The following RFX4 variants were observed in gnomAD, a reference collection of about 807,000 sequenced individuals.
RFX4 encodes the protein transcription factor RFX4.
RFX4 carries 10 observed loss-of-function variants against 95.0 expected under a neutral mutation model. That is an observed-to-expected ratio of 0.11 (90% confidence interval 0.06 to 0.18). RFX4 has a LOEUF of 0.18. RFX4 is among the 10% of genes least tolerant of loss of function. The pLI is 1.00. For synonymous variants in RFX4, 321 were observed against 340.7 expected, an observed-to-expected ratio of 0.94 and a Z score of 0.64; for missense variants, 640 against 922.0, an observed-to-expected ratio of 0.69 and a Z score of 3.96.
intron 4 of RFX4, among the ~76,000 whole-genome samples, chr12:106,676,912 C>T (rs921934038): frequency 2.6e-5 from 4 of 152,124 alleles, no homozygotes; most frequent in Admixed American, 6.5e-5. Flanking sequence ...CATTCTCATT[C>T]GTCTAGAAGC....
At chr12:106,698,203 A>T (rs1289185683) in intron 8 of RFX4, among the ~76,000 whole-genome samples, 2 of 151,952 alleles carry the variant, frequency 1.3e-5, no homozygotes, top group Non-Finnish European at 2.9e-5. Context: ...TGAACTCCTG[A>T]CCTCAGGCGA....
intron 17 of RFX4, among the ~76,000 whole-genome samples, chr12:106,755,242 A>G (rs773676647): frequency 4.9e-4 from 74 of 152,240 alleles, no homozygotes; most frequent in Non-Finnish European, 1.0e-3. Context: ...GACTATAGGC[A>G]CATGCCACCA....
rs532501631 is a variant in RFX4 at position 106,720,379 on chromosome 12, TG to T, written c.1233+326del. ...ACCATAAGCCTTCCTGTCATTTTTC[TG>T]TATTTATTTATTTATTTTTGAGACA... On this transcript the variant is annotated intron_variant, in intron 12 of 17. Coordinates refer to ENST00000392842, the MANE Select transcript of RFX4 (RefSeq NM_213594.3). This position sits in a 1 kb window ranked among gnomAD's most constrained non-coding sequence, Gnocchi z 4.2. Among the ~76,000 whole-genome samples, 210 of 152,344 alleles carry T rather than the reference TG, an allele frequency of 1.4e-3. No homozygotes were observed. The highest frequency in any genetic ancestry group is 4.9e-3 in the Admixed American group (75 of 15,306).
intron 7 of RFX4, among the ~76,000 whole-genome samples, chr12:106,692,028 G>A (rs189717364): frequency 3.3e-5 from 5 of 152,052 alleles, no homozygotes; most frequent in Non-Finnish European, 7.4e-5. Context: ...GTGGTGGCGC[G>A]TGCCTGTAGT....
chr12:106,603,192 C>T (rs1452122150), intron 1 of RFX4, among the ~76,000 whole-genome samples: 1 of 152,146 alleles, frequency 6.6e-6, no homozygotes, highest in African/African-American at 2.4e-5. Context: ...TCTTAATAGG[C>T]CCTCCCTGCC....
At chr12:106,722,076 G>A (rs184024069) in intron 13 of RFX4, among the ~76,000 whole-genome samples, 2 of 152,348 alleles carry the variant, frequency 1.3e-5, no homozygotes, top group Admixed American at 6.5e-5. Flanking sequence ...ATATGGAAAT[G>A]CTCTGCTGAC....
chr12:106,587,921 G>T (rs1440853526), intron 1 of RFX4, among the ~76,000 whole-genome samples: 2 of 152,182 alleles, frequency 1.3e-5, no homozygotes, highest in African/African-American at 4.8e-5. Context: ...TGAGAAAGGC[G>T]CTGAGTCGTG....
chr12:106,695,423 C>G (rs1862245830), intron 7 of RFX4, among the ~76,000 whole-genome samples: 1 of 152,208 alleles, frequency 6.6e-6, no homozygotes, highest in Non-Finnish European at 1.5e-5. Context: ...CTATTCTACT[C>G]AACTTCTAAT....
chr12:106,651,480 C>G (rs1050349432), intron 3 of RFX4, among the ~76,000 whole-genome samples: 3 of 152,200 alleles, frequency 2.0e-5, no homozygotes, highest in Non-Finnish European at 4.4e-5. Context: ...CTAAACCCAA[C>G]TCTTCTATGA....
chr12:106,589,688 T>C (rs2039510912), intron 1 of RFX4, among the ~76,000 whole-genome samples: 1 of 152,168 alleles, frequency 6.6e-6, no homozygotes, highest in African/African-American at 2.4e-5. Context: ...CAGGGTTTAG[T>C]TATGACACTG....
chr12:106,664,147 T>C (rs2041129201), intron 4 of RFX4, among the ~76,000 whole-genome samples: 1 of 151,942 alleles, frequency 6.6e-6, no homozygotes, highest in South Asian at 2.1e-4. Flanking sequence ...ATTTCTTCTA[T>C]AAATGTTTGG....
intron 1 of RFX4, among the ~76,000 whole-genome samples, chr12:106,584,332 C>T (rs2039420596): frequency 6.6e-6 from 1 of 152,144 alleles, no homozygotes; most frequent in Non-Finnish European, 1.5e-5. Flanking sequence ...CTCCCCTAGG[C>T]TCATTCTTGC....
chr12:106,684,545 T>A lies in RFX4; in HGVS notation c.378-2339T>A, dbSNP rs937252701. 1.3e-5 allele frequency: 5 copies of A among 387,528 alleles called. No individual in the cohort carries two copies. The East Asian group carries it at 2.0e-4, about 16-fold the overall frequency. The allele number at this position is 387,528 out of a possible 1,614,324, so 24.0% of individuals were successfully genotyped here. ...GTGGTTGTTGATTTTAGCTACGTGA[T>A]CTCTGAATAGTCAAGAAGTGGTCTG... On this transcript the variant is annotated intron_variant, in intron 5 of 17. Coordinates refer to ENST00000392842, the MANE Select transcript of RFX4 (RefSeq NM_213594.3).
At chr12:106,731,671 T>C (rs1264737692) in intron 13 of RFX4, among the ~76,000 whole-genome samples, 3 of 152,238 alleles carry the variant, frequency 2.0e-5, no homozygotes, top group South Asian at 2.1e-4. Context: ...CATTAGTAGA[T>C]AGCAATACAA....
chr12:106,585,751 T>C (rs1232869908), intron 1 of RFX4: 3 of 152,212 alleles, frequency 2.0e-5, no homozygotes, highest in Non-Finnish European at 4.4e-5. Context: ...CCGAAAGGAC[T>C]GGAACAACCG....
At chr12:106,748,394 C>A (rs1362922410) in intron 16 of RFX4, among the ~76,000 whole-genome samples, 1 of 152,170 alleles carries the variant, frequency 6.6e-6, no homozygotes, top group Admixed American at 6.5e-5. Context: ...CTTTAGGCTG[C>A]AGTTATTCAT....
intron 6 of RFX4, among the ~76,000 whole-genome samples, chr12:106,687,512 G>T (rs1448018003): frequency 2.0e-5 from 3 of 147,516 alleles, no homozygotes; most frequent in Non-Finnish European, 4.4e-5. Context: ...TTGCACCATT[G>T]CACTGCAGCC....
chr12:106,689,202 A>G (rs2041729471), intron 6 of RFX4, 85 bp from the exon 7 acceptor site: 1 of 1,142,564 alleles, frequency 8.8e-7, no homozygotes, highest in Middle Eastern at 2.0e-4. Flanking sequence ...CAGGGAAGAA[A>G]TGACTTAAAA....
chr12:106,728,728 C>T (rs1208645023), intron 13 of RFX4, among the ~76,000 whole-genome samples: 2 of 152,120 alleles, frequency 1.3e-5, no homozygotes, highest in Admixed American at 6.6e-5. Flanking sequence ...TCACTATCCT[C>T]ATCGCTGCGA....
Sources: gnomAD v4.1 joint callset for allele counts (sites outside exome capture counted in the v4.1 genomes callset) on GRCh38, gnomAD v4.1.1 for gene constraint, Gnocchi (gnomAD v3.1) non-coding constraint, MANE v1.5 for transcripts, NCBI Gene and HGNC (gene_info 2026-07-23, HGNC 2026-07-21) for gene names.